The following ABTB2 variants were observed in gnomAD, a reference collection of about 807,000 sequenced individuals.
ABTB2 encodes ankyrin repeat and BTB/POZ domain-containing protein 2.
Under a neutral mutation model 104.1 loss-of-function variants are expected in ABTB2, and 56 were observed. That is an observed-to-expected ratio of 0.54 (90% CI 0.43 to 0.67). The LOEUF is 0.67. Ranked by LOEUF, ABTB2 falls within the 30% of genes least tolerant of loss-of-function variation. The probability of loss-of-function intolerance (pLI) is 0.00; values close to 1 mark genes in which losing one functional copy is unlikely to be tolerated. For missense variants in ABTB2, 1,279 were observed against 1,407.7 expected (o/e 0.91, Z 1.46); for synonymous variants, 606 against 608.2 (o/e 1.00, Z 0.05).
chr11:34,272,025 T>C (rs774255016), intron 1 of ABTB2, among the ~76,000 whole-genome samples: 4 of 152,210 alleles, frequency 2.6e-5, no homozygotes, highest in Non-Finnish European at 4.4e-5. Context: ...TTGATGTTTA[T>C]AATAAATCTA....
intron 1 of ABTB2, among the ~76,000 whole-genome samples, chr11:34,324,185 A>G (rs902627147): frequency 3.3e-5 from 5 of 152,190 alleles, no homozygotes; most frequent in Admixed American, 6.5e-5. Context: ...TGCTGGGATT[A>G]CAGGCATGAG....
At chr11:34,269,578 A>G (rs1031011992) in intron 1 of ABTB2, among the ~76,000 whole-genome samples, 1 of 152,244 alleles carries the variant, frequency 6.6e-6, no homozygotes, top group African/African-American at 2.4e-5. Context: ...GTAGAGCAAG[A>G]GCAGCCACAG....
chr11:34,237,644 C>T (rs565039774), intron 1 of ABTB2, among the ~76,000 whole-genome samples: 198 of 152,254 alleles, frequency 1.3e-3, no homozygotes, highest in African/African-American at 4.5e-3. Context: ...TCTGTAATCC[C>T]AGCACTTTGG....
At chr11:34,263,880 G>A (rs767823037) in intron 1 of ABTB2, among the ~76,000 whole-genome samples, 4 of 152,196 alleles carry the variant, frequency 2.6e-5, no homozygotes, top group Non-Finnish European at 4.4e-5. Context: ...CTGCCATGGA[G>A]GTTGCAATTT....
intron 1 of ABTB2, among the ~76,000 whole-genome samples, chr11:34,234,791 C>G (rs1038816120): frequency 1.7e-4 from 26 of 152,188 alleles, no homozygotes; most frequent in Non-Finnish European, 3.8e-4. Context: ...CCCAGTTCTG[C>G]CACAGAAGAG....
intron 16 of ABTB2, among the ~76,000 whole-genome samples, chr11:34,153,318 G>A (rs1033320697): frequency 2.0e-5 from 3 of 152,172 alleles, no homozygotes; most frequent in African/African-American, 7.2e-5. Context: ...CCTGCAGTAG[G>A]TGGAAAACCT....
rs1452928297 is a variant in ABTB2 at position 34,337,272 on chromosome 11, G to A, written c.883+19429C>T. Among the ~76,000 whole-genome samples the A allele has an allele frequency of 2.6e-5, 4 of 152,352 alleles. No individual in the cohort carries two copies. The South Asian group carries it at 8.3e-4, about 32-fold the overall frequency. On this transcript the variant is annotated intron_variant, in intron 1 of 16. Transcript: ENST00000435224. ...GAGTTGCATGCAGGGGCTGTGTAGG[G>A]AAGGAGGCAGGGGTTGAGGAGGAGG...
chr11:34,312,477 C>T (rs566304930), intron 1 of ABTB2, among the ~76,000 whole-genome samples: 17 of 152,276 alleles, frequency 1.1e-4, no homozygotes, highest in African/African-American at 3.6e-4. Flanking sequence ...CTGGCCATTC[C>T]GCAGGGCTTG....
intron 1 of ABTB2, among the ~76,000 whole-genome samples, chr11:34,326,706 A>T (rs558638039): frequency 6.6e-6 from 1 of 152,278 alleles, no homozygotes; most frequent in Non-Finnish European, 1.5e-5. Context: ...AACAAACAGA[A>T]ACAAATAATA....
intron 1 of ABTB2, among the ~76,000 whole-genome samples, chr11:34,229,243 G>A (rs1853731138): frequency 1.3e-5 from 2 of 152,114 alleles, no homozygotes; most frequent in East Asian, 1.9e-4. Flanking sequence ...AGCACTTTGG[G>A]AGGCCGAGGT....
At chr11:34,155,668 TGTGGGGAGAGAA>T (rs1260922357) in intron 14 of ABTB2, among the ~76,000 whole-genome samples, 1 of 152,200 alleles carries the variant, frequency 6.6e-6, no homozygotes, top group Non-Finnish European at 1.5e-5. Flanking sequence ...AAGGCCCAAC[TGTGGGGAGAGAA>T]GTGGGGAGAC....
chr11:34,226,079 G>A (rs923289611), intron 1 of ABTB2, among the ~76,000 whole-genome samples: 1 of 151,790 alleles, frequency 6.6e-6, no homozygotes, highest in Non-Finnish European at 1.5e-5. Flanking sequence ...GCGTGCGCCT[G>A]TAGTCCCAGA....
At chr11:34,168,918 C>G (rs959794666) in intron 5 of ABTB2, among the ~76,000 whole-genome samples, 2 of 152,234 alleles carry the variant, frequency 1.3e-5, no homozygotes, top group African/African-American at 4.8e-5. Context: ...TGCCTGGTGT[C>G]CCGTGATGTT....
At chr11:34,208,953 T>C (rs1043728337) in intron 1 of ABTB2, among the ~76,000 whole-genome samples, 6 of 152,002 alleles carry the variant, frequency 3.9e-5, no homozygotes, top group Non-Finnish European at 8.8e-5. Flanking sequence ...TTCCCCTTAC[T>C]CTGGTCACCT....
chr11:34,151,363 G>T lies in ABTB2; in HGVS notation c.*1024C>A, dbSNP rs1444815526. The T allele has an allele frequency of 6.6e-6, 1 of 152,230 alleles. No individual in the cohort carries two copies. Among genetic ancestry groups the T allele is most frequent in the Non-Finnish European group, 1.5e-5 (1 of 68,062 alleles). 9.4% of individuals were successfully genotyped at this position (152,230 alleles called of 1,614,324 possible). A position where few individuals can be genotyped will look rare whatever the true frequency, so the allele number is the denominator to read the frequency against. ...CAGAATTCGAGGGCAAGGCCGTGAG[G>T]GGACACAGCAGAAAGGCCTCTTCTC... is the stretch of plus-strand genomic sequence containing the variant. On this transcript the variant is annotated 3_prime_UTR_variant, in exon 17 of 17. Transcript: ENST00000435224.
At chr11:34,204,915 G>A (rs182345886) in intron 1 of ABTB2, among the ~76,000 whole-genome samples, 7 of 152,308 alleles carry the variant, frequency 4.6e-5, no homozygotes, top group African/African-American at 1.4e-4. Flanking sequence ...TTTTAAGCAC[G>A]TGGAGACCAT....
intron 1 of ABTB2, among the ~76,000 whole-genome samples, chr11:34,277,414 T>C (rs1854393753): frequency 6.6e-6 from 1 of 152,054 alleles, no homozygotes; most frequent in African/African-American, 2.4e-5. Context: ...TGATAAAATC[T>C]AGGAGTGAGT....
chr11:34,323,992 C>T (rs866653367), intron 1 of ABTB2, among the ~76,000 whole-genome samples: 13 of 137,334 alleles, frequency 9.5e-5, no homozygotes, highest in African/African-American at 3.6e-4. Context: ...TGGTTCACTG[C>T]AATCTCTGCC....
At chr11:34,197,620 G>T in intron 2 of ABTB2, 82 bp from the exon 3 acceptor site, 1 of 1,020,280 alleles carries the variant, frequency 9.8e-7, no homozygotes, top group Non-Finnish European at 1.4e-6. Context: ...ATTCTTCCAA[G>T]GATGTTCCTG....
Sources: allele counts gnomAD v4.1 joint callset (sites outside exome capture counted in the v4.1 genomes callset), GRCh38; gene constraint gnomAD v4.1.1; transcripts MANE v1.5; gene names NCBI Gene and HGNC (gene_info 2026-07-23, HGNC 2026-07-21).